Variants in NDST4 observed in about 807,000 individuals in gnomAD.
NDST4 encodes N-deacetylase and N-sulfotransferase 4, also known as N-heparan sulfate sulfotransferase 4.
In NDST4, 63 loss-of-function variants were observed where a neutral mutation model predicts 100.8. The observed-to-expected ratio is 0.62, with a 90% confidence interval of 0.51 to 0.77. NDST4 has a LOEUF of 0.77. NDST4 is among the 30% of genes least tolerant of loss of function. The probability of loss-of-function intolerance (pLI) is 0.00; values close to 1 mark genes in which losing one functional copy is unlikely to be tolerated. For missense variants in NDST4, 943 were observed against 1,018.4 expected, an observed-to-expected ratio of 0.93 and a Z score of 1.01; for synonymous variants, 377 against 361.8, an observed-to-expected ratio of 1.04 and a Z score of -0.48.
rs576927503 is a variant in NDST4, at chr4:114,911,329, C to A, written c.1536+23877G>T. 9.2e-5 allele frequency among the ~76,000 whole-genome samples: 14 copies of A among 152,292 alleles called. 1 individual carries two copies. In the South Asian group the frequency reaches 2.9e-3, roughly 32 times the overall value. On this transcript the variant is annotated intron_variant, in intron 6 of 13. Coordinates refer to ENST00000264363, the MANE Select transcript of NDST4 (RefSeq NM_022569.3). ...CCCAGAGCTTATGCCAATTGCTACTCTTTGTAACAGGAGCACTCTTCTTTT... is the reference window on the plus strand; with the variant it reads ...CCCAGAGCTTATGCCAATTGCTACTATTTGTAACAGGAGCACTCTTCTTTT...
At chr4:114,843,732 A>T (rs550973548) in intron 10 of NDST4, among the ~76,000 whole-genome samples, 1 of 151,794 alleles carries the variant, frequency 6.6e-6, no homozygotes, top group East Asian at 1.9e-4. Flanking sequence ...GCACTCCTGA[A>T]TTTTTTTCTT....
At chr4:115,036,879 T>C (rs762735901) in intron 2 of NDST4, among the ~76,000 whole-genome samples, 53 of 152,062 alleles carry the variant, frequency 3.5e-4, no homozygotes, top group South Asian at 1.9e-3. Context: ...CTTGTTTATT[T>C]TCATACTGAT....
At chr4:114,957,679 T>C (rs1560830368) in intron 4 of NDST4, among the ~76,000 whole-genome samples, 1 of 152,218 alleles carries the variant, frequency 6.6e-6, no homozygotes, top group African/African-American at 2.4e-5. Context: ...CCCTTCCATC[T>C]ATGACGGTAA....
At chr4:115,062,102 C>A (rs559382055) in intron 2 of NDST4, among the ~76,000 whole-genome samples, 5 of 151,850 alleles carry the variant, frequency 3.3e-5, no homozygotes, top group Non-Finnish European at 7.4e-5. Flanking sequence ...TCAAATAGAA[C>A]AATCAGGAGA....
chr4:114,893,983 T>A (rs755980088), intron 6 of NDST4, among the ~76,000 whole-genome samples: 7 of 152,248 alleles, frequency 4.6e-5, no homozygotes, highest in Non-Finnish European at 7.3e-5. Flanking sequence ...CAGCACCATT[T>A]ACTGAATAAG....
chr4:114,967,849 G>C (rs1441734528), intron 4 of NDST4, among the ~76,000 whole-genome samples: 1 of 152,026 alleles, frequency 6.6e-6, no homozygotes, highest in Non-Finnish European at 1.5e-5. Flanking sequence ...ATTTAGAAAG[G>C]TCATAATTGG....
chr4:115,022,878 C>T (rs566469503), intron 2 of NDST4, among the ~76,000 whole-genome samples: 1 of 152,290 alleles, frequency 6.6e-6, no homozygotes, highest in South Asian at 2.1e-4. Flanking sequence ...CTCCTTCTTG[C>T]CTTCTGCCAT....
At chr4:115,038,903 C>A (rs992485428) in intron 2 of NDST4, among the ~76,000 whole-genome samples, 2 of 152,064 alleles carry the variant, frequency 1.3e-5, no homozygotes, top group African/African-American at 4.8e-5. Context: ...TCACTTGAGC[C>A]TGGGAGGTCA....
chr4:115,018,202 T>C (rs1727731678), intron 2 of NDST4, among the ~76,000 whole-genome samples: 1 of 151,910 alleles, frequency 6.6e-6, no homozygotes, highest in South Asian at 2.1e-4. Flanking sequence ...ATGAAAGCCA[T>C]TGAGAACAAA....
intron 4 of NDST4, among the ~76,000 whole-genome samples, chr4:114,967,960 T>C (rs1726421651): frequency 6.6e-6 from 1 of 152,190 alleles, no homozygotes. Flanking sequence ...TACCATTATC[T>C]CAGTTTTATA....
At chr4:114,929,979 C>A (rs1038696814) in intron 6 of NDST4, among the ~76,000 whole-genome samples, 2 of 152,034 alleles carry the variant, frequency 1.3e-5, no homozygotes, top group Admixed American at 1.3e-4. Flanking sequence ...ATGACTAGGG[C>A]AGATATGTGT....
At chr4:114,874,099 T>TAAA (rs527251125) in intron 6 of NDST4, among the ~76,000 whole-genome samples, 2 of 151,988 alleles carry the variant, frequency 1.3e-5, no homozygotes, top group Non-Finnish European at 2.9e-5. Context: ...CAGATATTAT[T>TAAA]GAAAAAAAAG....
At chr4:114,993,477 A>C (rs190281817) in intron 2 of NDST4, among the ~76,000 whole-genome samples, 1 of 151,944 alleles carries the variant, frequency 6.6e-6, no homozygotes, top group Admixed American at 6.6e-5. Flanking sequence ...AAAGTGGCTC[A>C]CTCAGCATTA....
At chr4:115,003,197 A>G (rs186085367) in intron 2 of NDST4, among the ~76,000 whole-genome samples, 100 of 152,296 alleles carry the variant, frequency 6.6e-4, no homozygotes, top group African/African-American at 2.2e-3. Flanking sequence ...GTATAGCTAT[A>G]TAACAAACCT....
At chr4:114,859,869 A>G (rs912709023) in intron 7 of NDST4, among the ~76,000 whole-genome samples, 5 of 152,172 alleles carry the variant, frequency 3.3e-5, no homozygotes, top group Non-Finnish European at 7.3e-5. Context: ...TTTTTCCTGA[A>G]AGCATTTCTT....
At chr4:114,854,000 T>C (rs1366561719) in intron 7 of NDST4, among the ~76,000 whole-genome samples, 3 of 152,184 alleles carry the variant, frequency 2.0e-5, no homozygotes, top group Non-Finnish European at 2.9e-5. Flanking sequence ...TTATTTTAAA[T>C]GTAAAATAAA....
At chr4:114,947,329 T>C (rs950629416) in intron 4 of NDST4, among the ~76,000 whole-genome samples, 3 of 152,160 alleles carry the variant, frequency 2.0e-5, no homozygotes, top group East Asian at 1.9e-4. Context: ...CTTACTATGA[T>C]TGGCTCTTGC....
chr4:114,888,640 A>G (rs17622677), intron 6 of NDST4, among the ~76,000 whole-genome samples: 1 of 152,146 alleles, frequency 6.6e-6, no homozygotes, highest in African/African-American at 2.4e-5. Flanking sequence ...TCTTAACCAT[A>G]GTTCTAAGTA....
chr4:115,102,259 G>A (rs1397528762), intron 1 of NDST4, among the ~76,000 whole-genome samples: 1 of 152,074 alleles, frequency 6.6e-6, no homozygotes, highest in Non-Finnish European at 1.5e-5. Context: ...ATGCTCATTT[G>A]ACCCTTGTAT....
Sources: gnomAD v4.1 joint callset for allele counts (sites outside exome capture counted in the v4.1 genomes callset) on GRCh38, gnomAD v4.1.1 for gene constraint, MANE v1.5 for transcripts, NCBI Gene and HGNC (gene_info 2026-07-23, HGNC 2026-07-21) for gene names.